FAM110B: variants seen among roughly 807,000 people sequenced by gnomAD.
FAM110B encodes protein FAM110B.
A neutral mutation model predicts 20.4 loss-of-function variants in FAM110B; 6 were observed. The observed-to-expected ratio is 0.29, with a 90% CI of 0.16 to 0.58. FAM110B has a LOEUF of 0.58. Ranked by LOEUF, FAM110B falls within the 20% of genes least tolerant of loss-of-function variation. The pLI is 0.90. For synonymous variants in FAM110B, 226 were observed against 214.1 expected (o/e 1.06, Z -0.49); for missense variants, 434 against 498.2 (o/e 0.87, Z 1.23).
intron 2 of FAM110B, among the ~76,000 whole-genome samples, chr8:58,035,707 T>G: frequency 6.6e-6 from 1 of 152,354 alleles, no homozygotes; most frequent in Non-Finnish European, 1.5e-5. Context: ...ATATGATGAC[T>G]TTTCAAATTT....
intron 3 of FAM110B, among the ~76,000 whole-genome samples, chr8:58,143,294 CTTCCAATAAGATGAAGTTGTTTTTT>C (rs1218286359): frequency 6.6e-6 from 1 of 152,206 alleles, no homozygotes; most frequent in East Asian, 1.9e-4. Flanking sequence ...GCTTTTGGGT[CTTCCAATAAGATGAAGTTGTTTTTT>C]TTCCTTCCCA....
intron 1 of FAM110B, among the ~76,000 whole-genome samples, chr8:58,028,303 C>T (rs13252750): frequency 0.16 from 23,942 of 152,062 alleles, 2,349 homozygotes; most frequent in African/African-American, 0.26. Flanking sequence ...CGGGGTTTCA[C>T]CGTGTCAGCC....
chr8:58,146,368 G>A lies in FAM110B; in HGVS notation c.138G>A (p.Lys46=). The change falls in exon 4 of 4, where the codon AAG becomes AAA. Residue 46 remains lysine (K), a synonymous_variant. Transcript: ENST00000519262. The stretch of plus-strand genomic sequence containing the variant: ...GCAGGCAGGCCGAGCCCAACCCCAA[G>A]AGGCTCAGCGCCGTGGAGAGGCTGG... ...YFRRQAEPNP[K]RLSAVERLEA... 6.2e-7 allele frequency: 1 copy of A among 1,614,076 alleles called. No homozygotes were observed. Among genetic ancestry groups the A allele is most frequent in the Non-Finnish European group, 8.5e-7 (1 of 1,179,992 alleles).
chr8:58,054,534 T>C (rs1050701689), intron 2 of FAM110B, among the ~76,000 whole-genome samples: 13 of 152,266 alleles, frequency 8.5e-5, no homozygotes. Flanking sequence ...ATTTGCTATA[T>C]TTCTTCAGTT....
intron 2 of FAM110B, among the ~76,000 whole-genome samples, chr8:58,075,231 G>A (rs1158241952): frequency 3.5e-5 from 5 of 142,896 alleles, no homozygotes; most frequent in South Asian, 2.2e-4. Context: ...TCAGCCTCCC[G>A]AGTAGCACCA....
rs770040257 is a variant in FAM110B, at chr8:58,147,049, C to G, written c.819C>G (p.Asp273Glu). The G allele has an allele frequency of 1.2e-6, 2 of 1,614,074 alleles. No homozygotes were observed. The highest frequency in any genetic ancestry group is 1.3e-5 in the African/African-American group (1 of 74,916). The change falls in exon 4 of 4, where the codon GAC becomes GAG. Residue 273 changes from aspartate (D) to glutamate (E), a missense_variant. Physicochemically the swap from Asp to Glu is conservative, Grantham distance 45 (BLOSUM62 2). Around this residue, in one of 3 missense-constraint regions of FAM110B, gnomAD observed 94 missense variants for 137.8 expected, o/e 0.68. Coordinates refer to ENST00000519262, the MANE Select transcript of FAM110B (RefSeq NM_001377989.1). The stretch of plus-strand genomic sequence containing the variant: ...ACAGATATTTCCGAGTGGACGCGGA[C>G]GTGGAGAGGTTCTTCAACTACTGTG... ...LSDRYFRVDA[D>E]VERFFNYCGL...
intron 3 of FAM110B, among the ~76,000 whole-genome samples, chr8:58,089,812 A>G (rs186745391): frequency 6.6e-5 from 10 of 152,268 alleles, no homozygotes; most frequent in Non-Finnish European, 1.5e-4. Context: ...GTAAAATGGC[A>G]TCAAAACTAT....
At chr8:58,012,211 T>G (rs193156214) in intron 1 of FAM110B, among the ~76,000 whole-genome samples, 8 of 152,218 alleles carry the variant, frequency 5.3e-5, no homozygotes, top group African/African-American at 1.9e-4. Context: ...CTGTATTATA[T>G]GCTTAAATTT....
Position 58,147,711 on chromosome 8 carries a change from A to C in FAM110B, c.*368A>C. Reference sequence around the variant, plus strand: ...GTTTTATCAACTGGCTTTTAAGTTGAGAGCAGAATCTTTTTGAAATAAAAA... The same window carrying C: ...GTTTTATCAACTGGCTTTTAAGTTGCGAGCAGAATCTTTTTGAAATAAAAA... On this transcript the variant is annotated 3_prime_UTR_variant, in exon 4 of 4. Coordinates refer to ENST00000519262, the MANE Select transcript of FAM110B (RefSeq NM_001377989.1). The C allele has an allele frequency of 4.7e-6, 1 of 212,680 alleles. No homozygotes were observed. The highest frequency in any genetic ancestry group is 2.3e-3 in the Middle Eastern group (1 of 436). The allele number at this position is 212,680 out of a possible 1,614,324, so 13.2% of individuals were successfully genotyped here. A position where few individuals can be genotyped will look rare whatever the true frequency, so the allele number is the denominator to read the frequency against.
intron 1 of FAM110B, among the ~76,000 whole-genome samples, chr8:58,012,760 A>G (rs577786916): frequency 6.6e-6 from 1 of 152,352 alleles, no homozygotes; most frequent in African/African-American, 2.4e-5. Context: ...TACTGTGGTC[A>G]CACTTTAGTA....
At chr8:58,055,346 T>C (rs932567349) in intron 2 of FAM110B, among the ~76,000 whole-genome samples, 12 of 152,222 alleles carry the variant, frequency 7.9e-5, no homozygotes, top group Admixed American at 3.3e-4. Context: ...TAGCAGACTG[T>C]GTTGGAATAG....
rs142437497 is a variant in FAM110B, at chr8:58,051,450, C to G, written c.-414+19747C>G. Among the ~76,000 whole-genome samples the G allele has an allele frequency of 3.4e-3, 517 of 152,202 alleles. 8 individuals are homozygous for G. The highest frequency in any genetic ancestry group is 0.012 in the African/African-American group (499 of 41,528). On this transcript the variant is annotated intron_variant, in intron 2 of 3. Transcript: ENST00000519262. ...GAAATGTTTTGTGTTCCTTGAATTG[C>G]TACTATTGGTGGTGGTAGTGCTGGG...
At chr8:58,059,243 AT>A (rs1301752978) in intron 2 of FAM110B, among the ~76,000 whole-genome samples, 1 of 152,180 alleles carries the variant, frequency 6.6e-6, no homozygotes, top group Non-Finnish European at 1.5e-5. Flanking sequence ...GTTGCTGTAA[AT>A]ATTGTTGAAT....
At chr8:58,052,446 C>T (rs1805466335) in intron 2 of FAM110B, among the ~76,000 whole-genome samples, 1 of 152,086 alleles carries the variant, frequency 6.6e-6, no homozygotes, top group Admixed American at 6.5e-5. Flanking sequence ...TGATAACTTA[C>T]TTATCAATAA....
chr8:58,013,723 C>G, intron 1 of FAM110B, among the ~76,000 whole-genome samples: 1 of 152,152 alleles, frequency 6.6e-6, no homozygotes, highest in Admixed American at 6.5e-5. Flanking sequence ...ACTACAGTTG[C>G]TATTGCTATT....
intron 1 of FAM110B, among the ~76,000 whole-genome samples, chr8:58,025,757 T>G (rs561707836): frequency 2.1e-4 from 32 of 152,298 alleles, no homozygotes; most frequent in African/African-American, 7.5e-4. Flanking sequence ...GATTTGAGAT[T>G]GTTCAATTGC....
intron 3 of FAM110B, among the ~76,000 whole-genome samples, chr8:58,107,498 C>CTGTGGGA (rs1806948333): frequency 1.3e-5 from 2 of 152,150 alleles, no homozygotes; most frequent in South Asian, 4.1e-4. Flanking sequence ...AGTCAACAAG[C>CTGTGGGA]TGTGGGATTT....
At chr8:58,128,676 G>A (rs1255641380) in intron 3 of FAM110B, among the ~76,000 whole-genome samples, 2 of 152,164 alleles carry the variant, frequency 1.3e-5, no homozygotes, top group African/African-American at 4.8e-5. Flanking sequence ...TGGGGGAAAT[G>A]GATTTGGGGA....
At chr8:58,144,123 C>A (rs2150644943) in intron 3 of FAM110B, among the ~76,000 whole-genome samples, 1 of 152,158 alleles carries the variant, frequency 6.6e-6, no homozygotes, top group East Asian at 1.9e-4. Flanking sequence ...CACTCTAGTC[C>A]TCAGGCACAA....
Sources: gnomAD v4.1 joint callset for allele counts (sites outside exome capture counted in the v4.1 genomes callset) on GRCh38, gnomAD v4.1.1 for gene constraint, gnomAD v4.1.1 regional missense constraint, MANE v1.5 for transcripts, NCBI Gene and HGNC (gene_info 2026-07-23, HGNC 2026-07-21) for gene names.